The following RBFOX1 variants were observed in gnomAD, a reference collection of about 807,000 sequenced individuals.
RBFOX1 encodes the protein RNA binding protein fox-1 homolog 1.
RBFOX1 carries 8 observed loss-of-function variants against 57.7 expected under a neutral mutation model. That is an observed-to-expected ratio of 0.14 (90% CI 0.08 to 0.25). The LOEUF (loss-of-function observed/expected upper bound fraction) is 0.25. RBFOX1 is among the 10% of genes least tolerant of loss of function. The probability of loss-of-function intolerance (pLI) is 1.00; values close to 1 mark genes in which losing one functional copy is unlikely to be tolerated. For synonymous variants in RBFOX1, 326 were observed against 222.4 expected, an observed-to-expected ratio of 1.47 and a Z score of -4.15; for missense variants, 611 against 548.5, an observed-to-expected ratio of 1.11 and a Z score of -1.14.
intron 4 of RBFOX1, among the ~76,000 whole-genome samples, chr16:7,439,255 C>T (rs1567173322): frequency 6.6e-6 from 1 of 152,022 alleles, no homozygotes; most frequent in African/African-American, 2.4e-5. Flanking sequence ...ATGATCATGC[C>T]CCAGTGGCTC....
At chr16:6,578,437 G>C (rs985577305) in intron 2 of RBFOX1, among the ~76,000 whole-genome samples, 1 of 152,136 alleles carries the variant, frequency 6.6e-6, no homozygotes, top group Non-Finnish European at 1.5e-5. Context: ...CTGGGTAGCT[G>C]ATGGAACAGT....
At chr16:7,421,748 T>C (rs1014900173) in intron 4 of RBFOX1, among the ~76,000 whole-genome samples, 2 of 152,358 alleles carry the variant, frequency 1.3e-5, no homozygotes, top group African/African-American at 4.8e-5. Flanking sequence ...CTTGTTTGGT[T>C]CTGCGTTTCT....
intron 3 of RBFOX1, among the ~76,000 whole-genome samples, chr16:6,884,051 G>A (rs1298119005): frequency 6.6e-6 from 1 of 152,192 alleles, no homozygotes; most frequent in Non-Finnish European, 1.5e-5. Context: ...ATCCTGTTAA[G>A]CATCCACTGC....
intron 3 of RBFOX1, among the ~76,000 whole-genome samples, chr16:5,791,385 T>C (rs4786777): frequency 0.47 from 70,802 of 152,070 alleles, 16,615 homozygotes; most frequent in South Asian, 0.49. Context: ...AGTCATTATT[T>C]TAAGGCCTTT....
intron 3 of RBFOX1, among the ~76,000 whole-genome samples, chr16:6,961,467 G>C (rs1051312101): frequency 1.3e-5 from 2 of 152,226 alleles, no homozygotes; most frequent in African/African-American, 4.8e-5. Flanking sequence ...TCCCGATCAA[G>C]ATCCCAAAGG....
chr16:7,080,005 T>A (rs544963551), intron 4 of RBFOX1, among the ~76,000 whole-genome samples: 2 of 144,150 alleles, frequency 1.4e-5, no homozygotes, highest in African/African-American at 5.1e-5. Context: ...ATTGTGTATA[T>A]ATATATACAT....
chr16:6,589,061 G>A (rs1324507125), intron 2 of RBFOX1, among the ~76,000 whole-genome samples: 1 of 151,800 alleles, frequency 6.6e-6, no homozygotes, highest in Non-Finnish European at 1.5e-5. Flanking sequence ...ACTGATAGTA[G>A]TGACATGATG....
At chr16:7,494,884 A>C (rs1567498494) in intron 4 of RBFOX1, among the ~76,000 whole-genome samples, 2 of 142,234 alleles carry the variant, frequency 1.4e-5, no homozygotes. Flanking sequence ...TTTTAGATAC[A>C]GGAGGTACAT....
intron 1 of RBFOX1, among the ~76,000 whole-genome samples, chr16:5,295,869 A>G (rs1371432372): frequency 6.6e-6 from 1 of 152,200 alleles, no homozygotes; most frequent in Non-Finnish European, 1.5e-5. Flanking sequence ...TTTTCTCTAC[A>G]TAGAATGGGG....
At chr16:6,934,395 G>A (rs1383641821) in intron 3 of RBFOX1, among the ~76,000 whole-genome samples, 2 of 152,084 alleles carry the variant, frequency 1.3e-5, no homozygotes, top group Admixed American at 1.3e-4. Context: ...AATATGTCAT[G>A]ATCAGTATTT....
intron 4 of RBFOX1, among the ~76,000 whole-genome samples, chr16:7,505,170 C>G (rs1321559847): frequency 2.7e-5 from 4 of 149,184 alleles, no homozygotes; most frequent in African/African-American, 1.0e-4. Flanking sequence ...TGCTTTTGTA[C>G]ATGTGTGTGT....
chr16:6,885,343 C>G (rs1024182770), intron 3 of RBFOX1, among the ~76,000 whole-genome samples: 3 of 152,146 alleles, frequency 2.0e-5, no homozygotes, highest in African/African-American at 7.2e-5. Context: ...TTGGGTGTCT[C>G]TGATTTAAAC....
intron 3 of RBFOX1, among the ~76,000 whole-genome samples, chr16:5,728,784 C>A (rs543485064): frequency 6.6e-6 from 1 of 152,142 alleles, no homozygotes; most frequent in South Asian, 2.1e-4. Flanking sequence ...GAGCTACTCG[C>A]CACTGTGTTC....
chr16:6,799,980 T>G (rs1603626281), intron 3 of RBFOX1, among the ~76,000 whole-genome samples: 1 of 152,166 alleles, frequency 6.6e-6, no homozygotes, highest in East Asian at 1.9e-4. Flanking sequence ...AAACTTCCTT[T>G]CATATATATT....
At chr16:7,115,427 A>G (rs914956233) in intron 4 of RBFOX1, among the ~76,000 whole-genome samples, 10 of 152,188 alleles carry the variant, frequency 6.6e-5, no homozygotes, top group Admixed American at 4.6e-4. Flanking sequence ...ACCTATTGCT[A>G]TGTAATTACC....
intron 3 of RBFOX1, among the ~76,000 whole-genome samples, chr16:6,943,796 G>C (rs1450928636): frequency 6.6e-6 from 1 of 151,766 alleles, no homozygotes; most frequent in South Asian, 2.1e-4. Flanking sequence ...CTCATAGACT[G>C]TTAAGTGTTC....
At chr16:7,142,644 T>C (rs576777503) in intron 4 of RBFOX1, among the ~76,000 whole-genome samples, 6 of 152,216 alleles carry the variant, frequency 3.9e-5, no homozygotes, top group African/African-American at 9.6e-5. Flanking sequence ...AGCATTTTGA[T>C]TGATAACAGT....
intron 3 of RBFOX1, among the ~76,000 whole-genome samples, chr16:6,896,762 G>A (rs556367002): frequency 1.1e-4 from 17 of 152,306 alleles, no homozygotes; most frequent in South Asian, 6.2e-4. Flanking sequence ...TCCCAAGAGC[G>A]TGAAGACCCA....
chr16:6,433,693 G>A (rs1315539605), intron 2 of RBFOX1, among the ~76,000 whole-genome samples: 2 of 152,006 alleles, frequency 1.3e-5, no homozygotes, highest in Admixed American at 6.6e-5. Flanking sequence ...GAGGCTCCAG[G>A]GAAGAATCTG....
Sources: allele counts gnomAD v4.1 joint callset (sites outside exome capture counted in the v4.1 genomes callset), GRCh38; gene constraint gnomAD v4.1.1; transcripts MANE v1.5; gene names NCBI Gene and HGNC (gene_info 2026-07-23, HGNC 2026-07-21).